MTCL2: variants seen among roughly 807,000 people sequenced by gnomAD.
MTCL2 encodes the protein microtubule crosslinking factor 2.
the MTCL2 span, among the ~76,000 whole-genome samples, chr20:36,811,616 C>T: frequency 4.0e-5 from 6 of 149,090 alleles, no homozygotes; most frequent in East Asian, 7.9e-4. Flanking sequence ...GGCAACAGAG[C>T]GAGACTCAGT....
chr20:36,855,614 T>A, the MTCL2 span, among the ~76,000 whole-genome samples: 6 of 152,160 alleles, frequency 3.9e-5, no homozygotes, highest in East Asian at 1.2e-3. Flanking sequence ...GGCAGGCCCT[T>A]GCTTGAACTT....
chr20:36,812,820 C>T, the MTCL2 span: 7 of 1,612,720 alleles, frequency 4.3e-6, no homozygotes, highest in Non-Finnish European at 5.9e-6. Context: ...GGCTCCCATT[C>T]CGGCAGGTCC....
chr20:36,787,977 G>A, the MTCL2 span, among the ~76,000 whole-genome samples: 13 of 149,930 alleles, frequency 8.7e-5, no homozygotes, highest in Admixed American at 7.4e-4. Flanking sequence ...ATGGCAGGTG[G>A]ATCACCTGAG....
chr20:36,803,129 G>A, the MTCL2 span: 7 of 1,575,842 alleles, frequency 4.4e-6, no homozygotes, highest in Non-Finnish European at 6.0e-6. Flanking sequence ...AGCAGACTAA[G>A]CAGCTGGCAG....
the MTCL2 span, chr20:36,797,055 C>T: frequency 5.1e-5 from 51 of 1,004,282 alleles, no homozygotes; most frequent in East Asian, 9.6e-5. Flanking sequence ...TCTCCTCATC[C>T]GGAGAGCAGG....
the MTCL2 span, among the ~76,000 whole-genome samples, chr20:36,838,679 G>A: frequency 4.0e-5 from 6 of 151,866 alleles, no homozygotes; most frequent in Admixed American, 1.3e-4. Context: ...ATAAACAGTA[G>A]CTTCTCAGCC....
chr20:36,813,564 T>C, the MTCL2 span, among the ~76,000 whole-genome samples: 10 of 151,040 alleles, frequency 6.6e-5, no homozygotes, highest in African/African-American at 2.4e-4. Context: ...TGAAACCCCA[T>C]CTCTATTAAA....
chr20:36,849,773 G>GC, the MTCL2 span, among the ~76,000 whole-genome samples: 2 of 152,176 alleles, frequency 1.3e-5, no homozygotes, highest in African/African-American at 2.4e-5. Flanking sequence ...TAGATTTGGG[G>GC]CCCACTGGAA....
chr20:36,795,069 G>C, the MTCL2 span, among the ~76,000 whole-genome samples: 2 of 152,102 alleles, frequency 1.3e-5, no homozygotes, highest in Non-Finnish European at 2.9e-5. Flanking sequence ...ATCCGGAGCA[G>C]ATGAAATTAC....
chr20:36,777,888 C>T, the MTCL2 span: 3 of 610,900 alleles, frequency 4.9e-6, no homozygotes, highest in African/African-American at 4.0e-5. Flanking sequence ...TACAAGGTAT[C>T]CCTGGGGTTG....
At chr20:36,834,838 C>T in the MTCL2 span, among the ~76,000 whole-genome samples, 1 of 151,988 alleles carries the variant, frequency 6.6e-6, no homozygotes, top group African/African-American at 2.4e-5. Flanking sequence ...CCCATCTCTA[C>T]TAAAAATACG....
the MTCL2 span, chr20:36,786,258 C>T: frequency 2.4e-6 from 3 of 1,230,026 alleles, no homozygotes; most frequent in Non-Finnish European, 3.1e-6. Flanking sequence ...CTCTCTCCCA[C>T]TCACTGCCTT....
At chr20:36,826,165 C>T in the MTCL2 span, among the ~76,000 whole-genome samples, 1 of 151,916 alleles carries the variant, frequency 6.6e-6, no homozygotes, top group African/African-American at 2.4e-5. Flanking sequence ...CGCCATCACT[C>T]CTGGCTAATT....
chr20:36,802,712 G>C, the MTCL2 span: 162 of 1,012,444 alleles, frequency 1.6e-4, no homozygotes, highest in Admixed American at 2.0e-4. Context: ...CCTGGATCCA[G>C]CTATACCTGA....
the MTCL2 span, among the ~76,000 whole-genome samples, chr20:36,847,141 T>C: frequency 6.6e-6 from 1 of 152,226 alleles, no homozygotes; most frequent in African/African-American, 2.4e-5. Flanking sequence ...AAAACGTTCC[T>C]GTTTTGCAGA....
the MTCL2 span, among the ~76,000 whole-genome samples, chr20:36,818,019 G>C: frequency 1.3e-5 from 2 of 152,184 alleles, no homozygotes; most frequent in Non-Finnish European, 2.9e-5. Context: ...CGTGGATGGA[G>C]CCCACATCCA....
the MTCL2 span, among the ~76,000 whole-genome samples, chr20:36,788,390 G>A: frequency 6.6e-6 from 1 of 151,774 alleles, no homozygotes; most frequent in Non-Finnish European, 1.5e-5. Flanking sequence ...GGTGGCTCAT[G>A]CCTGTAATCC....
the MTCL2 span, among the ~76,000 whole-genome samples, chr20:36,835,948 T>C: frequency 1.3e-5 from 2 of 152,172 alleles, no homozygotes; most frequent in Non-Finnish European, 2.9e-5. Context: ...CTTCCTCATC[T>C]TTCTGAAGTC....
At chr20:36,847,082 TATCAG>T in the MTCL2 span, among the ~76,000 whole-genome samples, 1 of 152,214 alleles carries the variant, frequency 6.6e-6, no homozygotes, top group African/African-American at 2.4e-5. Context: ...GTACGTGCAT[TATCAG>T]TTGACAGTTT....
Sources: allele counts gnomAD v4.1 joint callset (sites outside exome capture counted in the v4.1 genomes callset), GRCh38; gene constraint gnomAD v4.1.1; transcripts MANE v1.5; gene names NCBI Gene and HGNC (gene_info 2026-07-23, HGNC 2026-07-21).